FAM20A: variants seen among roughly 807,000 people sequenced by gnomAD.
FAM20A encodes the protein FAM20A golgi associated secretory pathway pseudokinase, also known as pseudokinase FAM20A.
Under a neutral mutation model 52.0 loss-of-function variants are expected in FAM20A, and 42 were observed. That is an observed-to-expected ratio of 0.81 (90% CI 0.63 to 1.04). The LOEUF (loss-of-function observed/expected upper bound fraction) is 1.04. FAM20A is among the 50% of genes least tolerant of loss of function. The pLI is 0.00. For missense variants in FAM20A, 742 were observed against 712.7 expected, an observed-to-expected ratio of 1.04 and a Z score of -0.47; for synonymous variants, 304 against 298.9, an observed-to-expected ratio of 1.02 and a Z score of -0.18.
chr17:68,554,279 T>A (rs1196173338), intron 3 of FAM20A, among the ~76,000 whole-genome samples: 1 of 152,050 alleles, frequency 6.6e-6, no homozygotes, highest in Non-Finnish European at 1.5e-5. Flanking sequence ...TTTTTATATT[T>A]TTTGGAAGAG....
Position 68,540,927 on chromosome 17 carries a change from CTG to C in FAM20A, c.1139_1140del (p.Thr380SerfsTer35), listed in dbSNP as rs749255279. On this transcript the variant is annotated frameshift_variant, in exon 8 of 11. Transcript: ENST00000592554. LOFTEE classifies it high-confidence loss of function. ...TTGTTGTACGGGTAGATCTGTTTCACTGTGTCACAGTAAAGGGGATTGACCTC... is the reference window on the plus strand; with the variant it reads ...TTGTTGTACGGGTAGATCTGTTTCACTGTCACAGTAAAGGGGATTGACCTC... ...EWEVNPLYCD[T>X]VKQIYPYNNS... is the part of the protein sequence containing the mutation. The C allele has an allele frequency of 2.5e-6, 4 of 1,599,990 alleles. No individual in the cohort carries two copies. Among genetic ancestry groups the C allele is most frequent in the Non-Finnish European group, 3.4e-6 (4 of 1,172,856 alleles).
Position 68,600,365 on chromosome 17 carries a change from T to A in FAM20A, c.302A>T (p.Tyr101Phe), listed in dbSNP as rs1408632774. 1 of 1,604,050 alleles carries A rather than the reference T, an allele frequency of 6.2e-7. No homozygotes were observed. The highest frequency in any genetic ancestry group is 8.5e-7 in the Non-Finnish European group (1 of 1,176,274). The change falls in exon 1 of 11, where the codon TAC becomes TTC. Residue 101 changes from tyrosine to phenylalanine, a missense_variant. Transcript: ENST00000592554. The surrounding 1 kb of genome is among the most constrained non-coding windows in gnomAD (Gnocchi z 6.2). ...GAGAGGCGGCTCCTCCGGGACGTTG[T>A]ACAGCGGGTGGGCGAAGAGGGCCTG... ...KLQALFAHPL[Y>F]NVPEEPPLLG...
intron 1 of FAM20A, among the ~76,000 whole-genome samples, chr17:68,580,862 T>C (rs1354986567): frequency 1.3e-5 from 2 of 152,148 alleles, no homozygotes; most frequent in East Asian, 3.8e-4. Context: ...ATTACCACCA[T>C]TGTAAACATA....
intron 7 of FAM20A, chr17:68,541,714 C>G (rs1470460708): frequency 2.6e-6 from 1 of 382,888 alleles, no homozygotes; most frequent in African/African-American, 2.0e-5. Context: ...CCCACTAGAC[C>G]AAGGAGCTTC....
intron 1 of FAM20A, among the ~76,000 whole-genome samples, chr17:68,595,341 G>A (rs956660160): frequency 1.3e-5 from 2 of 152,248 alleles, no homozygotes; most frequent in South Asian, 4.1e-4. Flanking sequence ...GGCAACAGCA[G>A]TGAGGACAGG....
rs1428049483 is a variant in FAM20A, at chr17:68,582,714, G to T, written c.404+17549C>A. The T allele has an allele frequency of 2.6e-5, 4 of 151,072 alleles. No homozygotes were observed. In the East Asian group the frequency reaches 7.8e-4, roughly 29 times the overall value. The allele number at this position is 151,072 out of a possible 1,614,324, so 9.4% of individuals were successfully genotyped here. A position where few individuals can be genotyped will look rare whatever the true frequency, so the allele number is the denominator to read the frequency against. On this transcript the variant is annotated intron_variant, in intron 1 of 10. Coordinates refer to ENST00000592554, the MANE Select transcript of FAM20A (RefSeq NM_017565.4). ...GATTACATCCCACTTTATAGACCAG[G>T]AAACTGAGGCTTGGAGGAAATGAGC...
Position 68,561,591 on chromosome 17 carries a change from CTT to C in FAM20A, c.405-5850_405-5849del, listed in dbSNP as rs5821662. Among the ~76,000 whole-genome samples the C allele has an allele frequency of 7.3e-3, 939 of 128,914 alleles. 7 individuals are homozygous for C. Among genetic ancestry groups the C allele is most frequent in the African/African-American group, 0.021 (749 of 35,136 alleles). The allele number at this position is 128,914 out of a possible 152,430, so 84.6% of individuals were successfully genotyped here. On this transcript the variant is annotated intron_variant, in intron 1 of 10. Coordinates refer to ENST00000592554, the MANE Select transcript of FAM20A (RefSeq NM_017565.4). ...GGTGGGGCTAGTCTTTTTGATTGCT[CTT>C]TTTTTTTTTTTTTTTTTAAAGAGTT...
chr17:68,579,817 T>C (rs1488514765), intron 1 of FAM20A, among the ~76,000 whole-genome samples: 1 of 152,066 alleles, frequency 6.6e-6, no homozygotes, highest in Non-Finnish European at 1.5e-5. Flanking sequence ...TTCAATGCTT[T>C]GGGAAGCGAC....
chr17:68,557,569 T>G (rs767249464), intron 1 of FAM20A: 1 of 152,214 alleles, frequency 6.6e-6, no homozygotes, highest in Admixed American at 6.5e-5. Flanking sequence ...GCCCTGGTAT[T>G]GGACTTCTTA....
intron 1 of FAM20A, among the ~76,000 whole-genome samples, chr17:68,594,294 G>A (rs999435591): frequency 1.3e-5 from 2 of 151,866 alleles, no homozygotes; most frequent in African/African-American, 4.8e-5. Context: ...AGCTACTCGG[G>A]AGGCTGAGGC....
In FAM20A at chr17:68,537,910, C is replaced by T. The variant is rs1350487347; in HGVS notation, c.1362-169G>A. On this transcript the variant is annotated intron_variant, in intron 10 of 10. Transcript: ENST00000592554. This position sits in a 1 kb window ranked among gnomAD's most constrained non-coding sequence, Gnocchi z 4.2. ...AGGTAAAAAGGGAACAAATGAAAGGCAAAATCCAGTATCCTGCAGTCCTTT... is the reference window on the plus strand; with the variant it reads ...AGGTAAAAAGGGAACAAATGAAAGGTAAAATCCAGTATCCTGCAGTCCTTT... 1.3e-5 allele frequency among the ~76,000 whole-genome samples: 2 copies of T among 152,130 alleles called. No individual in the cohort carries two copies. Among genetic ancestry groups the T allele is most frequent in the East Asian group, 3.9e-4 (2 of 5,194 alleles).
rs1301844597 is a variant in FAM20A, at chr17:68,600,439, G to C, written c.228C>G (p.Pro76=). The change falls in exon 1 of 11, where the codon CCC becomes CCG. Residue 76 remains proline (P), a synonymous_variant. Transcript: ENST00000592554. This position sits in a 1 kb window ranked among gnomAD's most constrained non-coding sequence, Gnocchi z 6.2. ...TIVHNFSRTE[P]RTEPAGGSHS... Reference sequence around the variant, plus strand: ...GGCTGCCGCCAGCCGGTTCAGTCCGGGGCTCGGTTCGGGAAAAGTTGTGCA... The same window carrying C: ...GGCTGCCGCCAGCCGGTTCAGTCCGCGGCTCGGTTCGGGAAAAGTTGTGCA... 6.2e-7 allele frequency: 1 copy of C among 1,611,370 alleles called. No homozygotes were observed. The highest frequency in any genetic ancestry group is 1.7e-5 in the Admixed American group (1 of 59,858).
At chr17:68,567,241 C>T (rs1251805664) in intron 1 of FAM20A, among the ~76,000 whole-genome samples, 1 of 151,910 alleles carries the variant, frequency 6.6e-6, no homozygotes. Context: ...ACGAAAGGGG[C>T]CTTAGGCAAT....
Position 68,535,668 on chromosome 17 carries a change from A to C in FAM20A, c.*1809T>G, listed in dbSNP as rs1162259718. ...CTGTTAAAGAGTTGATTTAAAAAAA[A>C]ATTTTTTTTTTTTTGTATTTTTTTG... On this transcript the variant is annotated 3_prime_UTR_variant, in exon 11 of 11. Coordinates refer to ENST00000592554, the MANE Select transcript of FAM20A (RefSeq NM_017565.4). 2.2e-6 allele frequency: 1 copy of C among 447,808 alleles called. No homozygotes were observed. The highest frequency in any genetic ancestry group is 4.4e-6 in the Non-Finnish European group (1 of 225,368). 27.7% of individuals were successfully genotyped at this position (447,808 alleles called of 1,614,324 possible).
chr17:68,580,141 G>T (rs1450445102), intron 1 of FAM20A, among the ~76,000 whole-genome samples: 2 of 152,224 alleles, frequency 1.3e-5, no homozygotes, highest in East Asian at 3.8e-4. Context: ...TGGAAAGGAG[G>T]AATAAAAGCC....
chr17:68,537,800 A>G lies in FAM20A; in HGVS notation c.1362-59T>C. On this transcript the variant is annotated intron_variant, in intron 10 of 10. Transcript: ENST00000592554. The surrounding 1 kb of genome is among the most constrained non-coding windows in gnomAD (Gnocchi z 4.2). ...AAATGTAAAGAAAATAACTTGCCTG[A>G]ACTTCTTTCCCCACAAACAGCTGTT... The G allele has an allele frequency of 6.5e-7, 1 of 1,549,614 alleles. No individual in the cohort carries two copies. The highest frequency in any genetic ancestry group is 2.4e-5 in the East Asian group (1 of 41,618).
At chr17:68,550,160 A>G (rs1307593886) in intron 4 of FAM20A, among the ~76,000 whole-genome samples, 2 of 152,150 alleles carry the variant, frequency 1.3e-5, no homozygotes, top group Admixed American at 1.3e-4. Flanking sequence ...TGATGATGAC[A>G]ACCAATTCCC....
chr17:68,586,021 T>A (rs533806161), intron 1 of FAM20A, among the ~76,000 whole-genome samples: 1 of 151,316 alleles, frequency 6.6e-6, no homozygotes, highest in East Asian at 1.9e-4. Context: ...CACTGGCTGC[T>A]TTTTACCTTA....
chr17:68,591,325 T>A (rs2088301990), intron 1 of FAM20A, among the ~76,000 whole-genome samples: 1 of 152,182 alleles, frequency 6.6e-6, no homozygotes, highest in Non-Finnish European at 1.5e-5. Flanking sequence ...GGTCTCAATC[T>A]CTTGACCTCG....
Sources: gnomAD v4.1 joint callset for allele counts (sites outside exome capture counted in the v4.1 genomes callset) on GRCh38, gnomAD v4.1.1 for gene constraint, Gnocchi (gnomAD v3.1) non-coding constraint, MANE v1.5 for transcripts, NCBI Gene and HGNC (gene_info 2026-07-23, HGNC 2026-07-21) for gene names.